The following ATG3 variants were observed in gnomAD, a reference collection of about 807,000 sequenced individuals.
ATG3 encodes autophagy related 3.
A neutral mutation model predicts 50.7 loss-of-function variants in ATG3; 25 were observed. The observed-to-expected ratio is 0.49, with a 90% CI of 0.36 to 0.69. The LOEUF (loss-of-function observed/expected upper bound fraction) is 0.69. ATG3 is among the 30% of genes least tolerant of loss of function. The pLI, the probability that ATG3 is intolerant of heterozygous loss-of-function variation, is 0.00. For missense variants in ATG3, 281 were observed against 376.0 expected (o/e 0.75, Z 2.09); for synonymous variants, 119 against 125.5 (o/e 0.95, Z 0.34).
intron 1 of ATG3, among the ~76,000 whole-genome samples, chr3:112,559,502 A>T (rs1933780913): frequency 6.6e-6 from 1 of 152,238 alleles, no homozygotes; most frequent in South Asian, 2.1e-4. Flanking sequence ...GTAATGAATA[A>T]CATACCATAA....
At chr3:112,532,937 G>T (rs564706604) in intron 11 of ATG3, 157 bp from the exon 12 acceptor site, 95 of 1,296,204 alleles carry the variant, frequency 7.3e-5, no homozygotes, top group Admixed American at 7.0e-4. Flanking sequence ...GCAAATTTGT[G>T]TCTATTTAAC....
At chr3:112,555,965 C>T (rs751870752) in intron 2 of ATG3, among the ~76,000 whole-genome samples, 96 of 152,256 alleles carry the variant, frequency 6.3e-4, no homozygotes, top group Non-Finnish European at 1.3e-3. Flanking sequence ...ACTATATATT[C>T]AACAATTAGT....
intron 2 of ATG3, among the ~76,000 whole-genome samples, chr3:112,555,729 C>G (rs1466692371): frequency 1.3e-5 from 2 of 152,228 alleles, no homozygotes; most frequent in East Asian, 3.8e-4. Flanking sequence ...CTCCTCCAGG[C>G]TCATTCTACT....
chr3:112,543,987 G>T, intron 6 of ATG3, 70 bp downstream of exon 6: 3 of 1,125,580 alleles, frequency 2.7e-6, no homozygotes, highest in Non-Finnish European at 4.0e-6. Flanking sequence ...TTATATATGT[G>T]TGTGTATAGA....
intron 4 of ATG3, among the ~76,000 whole-genome samples, chr3:112,549,612 C>T (rs1389659945): frequency 6.6e-6 from 1 of 151,956 alleles, no homozygotes; most frequent in Non-Finnish European, 1.5e-5. Context: ...AGGTCGAGAC[C>T]AGCCTGACCA....
chr3:112,541,726 A>G, intron 7 of ATG3, 77 bp downstream of exon 7: 2 of 1,284,900 alleles, frequency 1.6e-6, no homozygotes. Context: ...TCAATGAAGA[A>G]TTCTTAATCC....
chr3:112,541,170 T>C (rs1420700013), intron 7 of ATG3, among the ~76,000 whole-genome samples: 3 of 151,998 alleles, frequency 2.0e-5, no homozygotes, highest in Non-Finnish European at 4.4e-5. Context: ...TGGGCGATCA[T>C]GAGGTTAAGA....
rs746824915 is a variant in ATG3 at position 112,537,873 on chromosome 3, C to T, written c.528G>A (p.Arg176=). The change falls in exon 9 of 12, where the codon AGG becomes AGA. Residue 176 remains arginine (R), a synonymous_variant. Coordinates refer to ENST00000283290, the MANE Select transcript of ATG3 (RefSeq NM_022488.5). ...LETDEATLDT[R]KIVEACKAKT... ...TGGCTTTACAAGCTTCTACTATTTT[C>T]CTTGTATCTAGGGTAGCCTGAAAAT... 1 of 1,610,022 alleles carries T rather than the reference C, an allele frequency of 6.2e-7. No individual in the cohort carries two copies. Among genetic ancestry groups the T allele is most frequent in the Non-Finnish European group, 8.5e-7 (1 of 1,178,844 alleles).
In ATG3 at chr3:112,553,348, T is replaced by C. The variant is rs769387523; in HGVS notation, c.115-19A>G. 7 of 1,607,730 alleles carry C rather than the reference T, an allele frequency of 4.4e-6. No individual in the cohort carries two copies. Among genetic ancestry groups the C allele is most frequent in the Non-Finnish European group, 6.0e-6 (7 of 1,174,452 alleles). On this transcript the variant is annotated intron_variant, in intron 2 of 11. Transcript: ENST00000283290. ...CCACAAACTATTCAGGATTTAAAAGTAATATGAAAAAAAGGAAAAAGAAAA... is the reference window on the plus strand; with the variant it reads ...CCACAAACTATTCAGGATTTAAAAGCAATATGAAAAAAAGGAAAAAGAAAA...
At chr3:112,549,542 C>T (rs1482748244) in intron 4 of ATG3, among the ~76,000 whole-genome samples, 1 of 152,132 alleles carries the variant, frequency 6.6e-6, no homozygotes, top group Non-Finnish European at 1.5e-5. Flanking sequence ...GGCGCGGTGG[C>T]TCACACCTGT....
At chr3:112,541,775 A>C (rs777193209) in intron 7 of ATG3, 28 bp downstream of exon 7, 1 of 1,549,892 alleles carries the variant, frequency 6.5e-7, no homozygotes, top group Admixed American at 1.7e-5. Context: ...ATTCTAGTGG[A>C]ACTGAAGCAA....
intron 3 of ATG3, 109 bp downstream of exon 3, chr3:112,553,171 A>G: frequency 1.1e-6 from 1 of 896,780 alleles, no homozygotes; most frequent in East Asian, 2.5e-5. Context: ...CTGGGGGGAA[A>G]GTTAAACTGG....
intron 2 of ATG3, among the ~76,000 whole-genome samples, chr3:112,557,927 G>A (rs948831043): frequency 3.9e-5 from 6 of 152,064 alleles, no homozygotes; most frequent in Admixed American, 2.6e-4. Flanking sequence ...TTTTAGCCCA[G>A]TATTTACTTC....
intron 5 of ATG3, among the ~76,000 whole-genome samples, chr3:112,546,192 C>T (rs557332459): frequency 1.3e-5 from 2 of 152,164 alleles, no homozygotes; most frequent in East Asian, 3.9e-4. Flanking sequence ...AACCTATCTA[C>T]CTATATCTAT....
At chr3:112,551,345 G>C (rs987666020) in intron 3 of ATG3, among the ~76,000 whole-genome samples, 1 of 152,184 alleles carries the variant, frequency 6.6e-6, no homozygotes, top group African/African-American at 2.4e-5. Flanking sequence ...TCTGAGGAAA[G>C]AGTTAAAATA....
intron 2 of ATG3, among the ~76,000 whole-genome samples, chr3:112,555,972 T>TA (rs1933659383): frequency 6.6e-6 from 1 of 152,208 alleles, no homozygotes; most frequent in Non-Finnish European, 1.5e-5. Context: ...ATTCAACAAT[T>TA]AGTCATCTTC....
At chr3:112,557,080 T>C (rs1361491968) in intron 2 of ATG3, among the ~76,000 whole-genome samples, 1 of 151,500 alleles carries the variant, frequency 6.6e-6, no homozygotes, top group Non-Finnish European at 1.5e-5. Context: ...GTTATTTCCA[T>C]ACTACCATGT....
At chr3:112,533,985 T>C in intron 11 of ATG3, 2 of 1,164,610 alleles carry the variant, frequency 1.7e-6, no homozygotes, top group Non-Finnish European at 2.1e-6. Context: ...AAACTGGAAA[T>C]GTACATAAGA....
intron 2 of ATG3, among the ~76,000 whole-genome samples, chr3:112,554,859 A>T (rs1933621981): frequency 6.6e-6 from 1 of 152,192 alleles, no homozygotes. Flanking sequence ...TAGCAACTGG[A>T]TTCCTGATAG....
Sources: gnomAD v4.1 joint callset for allele counts (sites outside exome capture counted in the v4.1 genomes callset) on GRCh38, gnomAD v4.1.1 for gene constraint, MANE v1.5 for transcripts, NCBI Gene and HGNC (gene_info 2026-07-23, HGNC 2026-07-21) for gene names.